Variants in DNAAF4 observed in about 807,000 individuals in gnomAD.
DNAAF4 encodes the protein dynein axonemal assembly factor 4, also known as dynein assembly factor 4, axonemal.
A neutral mutation model predicts 51.8 loss-of-function variants in DNAAF4; 43 were observed. The ratio of observed to expected loss-of-function variants is 0.83; its 90% CI spans 0.65 to 1.07. DNAAF4 has a LOEUF of 1.07. Among genes scored for constraint, DNAAF4 ranks in the 50% least tolerant of loss-of-function variants. The probability of loss-of-function intolerance (pLI) is 0.00; values close to 1 mark genes in which losing one functional copy is unlikely to be tolerated. For synonymous variants in DNAAF4, 194 were observed against 165.6 expected (o/e 1.17, Z -1.32); for missense variants, 581 against 493.0 (o/e 1.18, Z -1.69).
At chr15:55,498,981 T>C (rs1012834932) in intron 1 of DNAAF4, among the ~76,000 whole-genome samples, 6 of 149,112 alleles carry the variant, frequency 4.0e-5, no homozygotes, top group African/African-American at 1.5e-4. Context: ...AATGCGATAA[T>C]GCTAAGGAGG....
intron 6 of DNAAF4, among the ~76,000 whole-genome samples, chr15:55,445,375 C>T (rs1365790746): frequency 6.6e-6 from 1 of 152,166 alleles, no homozygotes; most frequent in Non-Finnish European, 1.5e-5. Flanking sequence ...TATAGATTAA[C>T]AGCATCCCAT....
At chr15:55,428,306 C>T (rs1049723268), downstream of DNAAF4, among the ~76,000 whole-genome samples, 5 of 151,918 alleles carry the variant, frequency 3.3e-5, no homozygotes, top group Non-Finnish European at 7.4e-5. Flanking sequence ...AAGGCAATTC[C>T]GTCCCCAGGC....
chr15:55,452,050 C>A (rs1438057016), intron 5 of DNAAF4, among the ~76,000 whole-genome samples: 1 of 151,520 alleles, frequency 6.6e-6, no homozygotes, highest in African/African-American at 2.4e-5. Context: ...AGTTGGAGAC[C>A]AGCTTGGCCA....
chr15:55,475,469 C>T (rs2058323733), intron 4 of DNAAF4, among the ~76,000 whole-genome samples: 1 of 152,084 alleles, frequency 6.6e-6, no homozygotes, highest in Non-Finnish European at 1.5e-5. Context: ...GATGATGAGC[C>T]TGGCAATTTT....
intron 7 of DNAAF4, 67 bp downstream of exon 7, chr15:55,439,405 C>A (rs999523340): frequency 7.4e-7 from 1 of 1,358,544 alleles, no homozygotes; most frequent in Non-Finnish European, 1.0e-6. Flanking sequence ...CCACCATACT[C>A]GTCCTATGAT....
At chr15:55,497,141 A>C (rs2058651405) in intron 3 of DNAAF4, among the ~76,000 whole-genome samples, 1 of 151,540 alleles carries the variant, frequency 6.6e-6, no homozygotes, top group Admixed American at 6.6e-5. Context: ...CAGTCCCTAA[A>C]CTCTCAAATC....
chr15:55,486,153 C>G (rs1353223991), intron 4 of DNAAF4, among the ~76,000 whole-genome samples: 1 of 151,414 alleles, frequency 6.6e-6, no homozygotes, highest in East Asian at 1.9e-4. Flanking sequence ...TGTTGATGAC[C>G]CTGCCTCGTT....
Position 55,501,364 on chromosome 15 carries a change from A to C in DNAAF4, c.-255-2780T>G, listed in dbSNP as rs570403813. On this transcript the variant is annotated intron_variant, in intron 1 of 9. Transcript: ENST00000321149. ...GGCGTGAGCCACTGTGCCTGGCAGG[A>C]TTTCTTTCTTTCTTTTTTTTTTTTT... Among the ~76,000 whole-genome samples the C allele has an allele frequency of 1.1e-3, 128 of 118,846 alleles. No homozygotes were observed. In the South Asian group the frequency reaches 0.036, roughly 33 times the overall value. 78.0% of individuals were successfully genotyped at this position (118,846 alleles called of 152,430 possible).
chr15:55,491,344 G>A (rs2058568595), intron 3 of DNAAF4, 88 bp from the exon 4 acceptor site: 3 of 1,359,110 alleles, frequency 2.2e-6, no homozygotes, highest in Non-Finnish European at 3.0e-6. Flanking sequence ...GACCCAGGAT[G>A]AGATTTCTTT....
chr15:55,473,215 ATATATATGTGTGTGTG>A (rs1595931834), intron 4 of DNAAF4, among the ~76,000 whole-genome samples: 2 of 122,950 alleles, frequency 1.6e-5, no homozygotes, highest in African/African-American at 3.0e-5. Flanking sequence ...ATATATATAT[ATATATATGTGTGTGTG>A]TATATATATA....
chr15:55,461,856 T>C (rs2141490879), intron 5 of DNAAF4, among the ~76,000 whole-genome samples: 1 of 152,194 alleles, frequency 6.6e-6, no homozygotes, highest in South Asian at 2.1e-4. Flanking sequence ...GCTGGTTCTT[T>C]GAAAAGACAA....
intron 4 of DNAAF4, among the ~76,000 whole-genome samples, chr15:55,488,389 T>C (rs1371008856): frequency 2.0e-5 from 3 of 152,222 alleles, no homozygotes; most frequent in African/African-American, 7.2e-5. Context: ...TTATGCTAAC[T>C]TAAGCTAACA....
chr15:55,451,945 A>T (rs114654945), intron 5 of DNAAF4, among the ~76,000 whole-genome samples: 3,053 of 152,164 alleles, frequency 0.02, 113 homozygotes, highest in African/African-American at 0.071. Context: ...TTAAATAGTA[A>T]TACAAAAGAA....
chr15:55,493,985 G>C (rs531250942), intron 3 of DNAAF4, among the ~76,000 whole-genome samples: 1 of 150,466 alleles, frequency 6.6e-6, no homozygotes, highest in East Asian at 2.0e-4. Context: ...ATTACTTTAG[G>C]CATGAGCCAC....
At chr15:55,455,121 T>TC (rs1324599467) in intron 5 of DNAAF4, among the ~76,000 whole-genome samples, 1 of 146,548 alleles carries the variant, frequency 6.8e-6, no homozygotes, top group East Asian at 2.0e-4. Context: ...AACTGAATCT[T>TC]TTTTTTTTTT....
rs963422160 is a variant in DNAAF4 at position 55,445,408 on chromosome 15, A to G, written c.783+4814T>C. 1.1e-4 allele frequency among the ~76,000 whole-genome samples: 16 copies of G among 152,344 alleles called. 1 individual carries two copies. In the South Asian group the frequency reaches 1.7e-3, roughly 16 times the overall value. On this transcript the variant is annotated intron_variant, in intron 6 of 9. Transcript: ENST00000321149. ...CATGCAGAAGAATTTTTCTTAGTAC[A>G]GAACAAAATGGAGTCTCCTATGTCT...
At chr15:55,450,743 T>C (rs1240699182) in intron 5 of DNAAF4, among the ~76,000 whole-genome samples, 1 of 152,160 alleles carries the variant, frequency 6.6e-6, no homozygotes, top group African/African-American at 2.4e-5. Context: ...CCTACATACT[T>C]TATCTCCTAT....
chr15:55,429,771 C>G (rs977222564), downstream of DNAAF4, among the ~76,000 whole-genome samples: 1 of 150,980 alleles, frequency 6.6e-6, no homozygotes. Flanking sequence ...GAGCCAAGAT[C>G]GCGCCATTGC....
intron 3 of DNAAF4, among the ~76,000 whole-genome samples, chr15:55,492,206 A>T (rs2058583635): frequency 1.1e-5 from 1 of 93,270 alleles, no homozygotes; most frequent in African/African-American, 6.4e-5. Context: ...CAAACTGAAG[A>T]CTACGATCAA....
Sources: allele counts gnomAD v4.1 joint callset (sites outside exome capture counted in the v4.1 genomes callset), GRCh38; gene constraint gnomAD v4.1.1; transcripts MANE v1.5; gene names NCBI Gene and HGNC (gene_info 2026-07-23, HGNC 2026-07-21).